The following ZMIZ1 variants were observed in gnomAD, a reference collection of about 807,000 sequenced individuals.
The protein encoded by ZMIZ1 is zinc finger MIZ domain-containing protein 1.
A neutral mutation model predicts 113.9 loss-of-function variants in ZMIZ1; 17 were observed. That is an observed-to-expected ratio of 0.15 (90% CI 0.10 to 0.22). The LOEUF (loss-of-function observed/expected upper bound fraction) is 0.22. ZMIZ1 is among the 10% of genes least tolerant of loss of function. ZMIZ1 has a pLI of 1.00. For missense variants in ZMIZ1, 1,059 were observed against 1,477.8 expected (o/e 0.72, Z 4.65); for synonymous variants, 607 against 603.1 (o/e 1.01, Z -0.09).
chr10:79,233,955 G>A (rs1849493347), intron 7 of ZMIZ1, among the ~76,000 whole-genome samples: 1 of 152,102 alleles, frequency 6.6e-6, no homozygotes, highest in African/African-American at 2.4e-5. Flanking sequence ...GTCTTTAAGG[G>A]TCTTGCCGGG....
chr10:79,146,061 C>A (rs995797717), intron 3 of ZMIZ1, among the ~76,000 whole-genome samples: 2 of 152,236 alleles, frequency 1.3e-5, no homozygotes, highest in East Asian at 1.9e-4. Flanking sequence ...TTTTTTGCGG[C>A]CTTCCTGAGA....
chr10:79,145,777 G>A (rs1845454507), intron 3 of ZMIZ1, among the ~76,000 whole-genome samples: 1 of 152,136 alleles, frequency 6.6e-6, no homozygotes, highest in Admixed American at 6.5e-5. Flanking sequence ...GAGTGCAGTG[G>A]CTCACTGCAG....
chr10:79,188,592 G>T (rs943431244), intron 4 of ZMIZ1, among the ~76,000 whole-genome samples: 1 of 152,118 alleles, frequency 6.6e-6, no homozygotes, highest in Admixed American at 6.5e-5. Flanking sequence ...CCAGAGCCCA[G>T]CTTGGAGCTA....
intron 4 of ZMIZ1, among the ~76,000 whole-genome samples, chr10:79,194,643 G>A (rs2132625297): frequency 6.6e-6 from 1 of 152,248 alleles, no homozygotes; most frequent in Non-Finnish European, 1.5e-5. Flanking sequence ...CTGTCAGAGG[G>A]GCTCCAGCCC....
At chr10:79,290,288 C>T (rs944193022) in intron 9 of ZMIZ1, among the ~76,000 whole-genome samples, 2 of 152,212 alleles carry the variant, frequency 1.3e-5, no homozygotes, top group Non-Finnish European at 2.9e-5. Flanking sequence ...GGACTTCTGA[C>T]AACTCCCTAC....
intron 5 of ZMIZ1, among the ~76,000 whole-genome samples, chr10:79,207,571 T>C (rs1462074205): frequency 1.3e-5 from 2 of 152,032 alleles, no homozygotes; most frequent in Non-Finnish European, 2.9e-5. Flanking sequence ...CCCAGCACCC[T>C]GGCACCAGAA....
chr10:79,142,968 G>C (rs1373110675), intron 3 of ZMIZ1, among the ~76,000 whole-genome samples: 1 of 152,220 alleles, frequency 6.6e-6, no homozygotes, highest in Non-Finnish European at 1.5e-5. Flanking sequence ...GTGAGTGTCA[G>C]AGCACCTGCT....
intron 7 of ZMIZ1, among the ~76,000 whole-genome samples, chr10:79,230,096 T>C (rs1321794063): frequency 6.6e-6 from 1 of 152,158 alleles, no homozygotes; most frequent in Non-Finnish European, 1.5e-5. Context: ...TAGGTTGCCC[T>C]GGGAGGCTCC....
intron 7 of ZMIZ1, among the ~76,000 whole-genome samples, chr10:79,223,412 C>T (rs1034543555): frequency 3.3e-5 from 5 of 152,236 alleles, no homozygotes; most frequent in African/African-American, 1.2e-4. Context: ...GCCCCCACCC[C>T]CACATACAAG....
At chr10:79,238,070 C>T (rs535631775) in intron 7 of ZMIZ1, among the ~76,000 whole-genome samples, 1 of 152,342 alleles carries the variant, frequency 6.6e-6, no homozygotes, top group South Asian at 2.1e-4. Context: ...CTTGCCCCCT[C>T]CCCGCTCGGT....
Position 79,304,180 on chromosome 10 carries a change from G to A in ZMIZ1, c.2286+5G>A, listed in dbSNP as rs1192552411. ...CACGATTGCAAGCATGTGCAGGTGA[G>A]CGGCCCCAGAAAGCACAGCTCTGGC... On this transcript the variant is annotated splice_donor_5th_base_variant and intron_variant, in intron 19 of 24. Transcript: ENST00000334512. 1.2e-6 allele frequency: 2 copies of A among 1,611,474 alleles called. No homozygotes were observed. The highest frequency in any genetic ancestry group is 1.7e-5 in the Admixed American group (1 of 59,968).
At chr10:79,160,012 T>G (rs1846046245) in intron 3 of ZMIZ1, among the ~76,000 whole-genome samples, 1 of 152,222 alleles carries the variant, frequency 6.6e-6, no homozygotes, top group Admixed American at 6.5e-5. Flanking sequence ...CTGGCTTCCG[T>G]CTCAGCTGCC....
intron 7 of ZMIZ1, among the ~76,000 whole-genome samples, chr10:79,248,366 A>T (rs1365452962): frequency 6.6e-6 from 1 of 152,126 alleles, no homozygotes; most frequent in African/African-American, 2.4e-5. Flanking sequence ...GTCCCTCCAG[A>T]TGGCAGGGGG....
rs1201865498 is a variant in ZMIZ1, at chr10:79,311,195, G to C, written c.3096+11G>C. The C allele has an allele frequency of 1.2e-6, 2 of 1,603,122 alleles. No homozygotes were observed. The highest frequency in any genetic ancestry group is 2.2e-5 in the South Asian group (2 of 90,220). ...GAGCCTTCGCTGGATGTAAGTTGGG[G>C]TCGCCACTCGCCTTGGCCTGGGGCT... On this transcript the variant is annotated intron_variant, in intron 24 of 24. Transcript: ENST00000334512.
chr10:79,093,992 C>T lies in ZMIZ1; in HGVS notation c.-337+24722C>T, dbSNP rs547834505. Among the ~76,000 whole-genome samples, 3 of 152,262 alleles carry T rather than the reference C, an allele frequency of 2.0e-5. No individual in the cohort carries two copies. In the East Asian group the frequency reaches 5.8e-4, roughly 29 times the overall value. ...TTGGGAAAGAGCTGAGTGTAAAGGC[C>T]GCAGTGAGCACTGGGTGGATTTATA... On this transcript the variant is annotated intron_variant, in intron 1 of 24. Transcript: ENST00000334512.
At chr10:79,083,765 C>T (rs982062788) in intron 1 of ZMIZ1, among the ~76,000 whole-genome samples, 1 of 152,164 alleles carries the variant, frequency 6.6e-6, no homozygotes, top group Non-Finnish European at 1.5e-5. Context: ...GAGGCTGTGG[C>T]CAGGAGCCCA....
At chr10:79,179,928 C>G (rs994614511) in intron 4 of ZMIZ1, among the ~76,000 whole-genome samples, 4 of 152,220 alleles carry the variant, frequency 2.6e-5, no homozygotes, top group Non-Finnish European at 5.9e-5. Flanking sequence ...CACCCTCTCT[C>G]AGAGGCCAGT....
intron 7 of ZMIZ1, among the ~76,000 whole-genome samples, chr10:79,266,156 G>C (rs552883125): frequency 2.0e-5 from 3 of 152,228 alleles, no homozygotes; most frequent in Non-Finnish European, 4.4e-5. Context: ...CATGTGGCCA[G>C]AGACGGGAGG....
At chr10:79,310,852 A>G in intron 23 of ZMIZ1, 72 bp from the exon 24 acceptor site, 6 of 1,508,742 alleles carry the variant, frequency 4.0e-6, no homozygotes, top group Non-Finnish European at 5.4e-6. Context: ...GTTGGGTTTC[A>G]TTTTCTCCAG....
Sources: gnomAD v4.1 joint callset for allele counts (sites outside exome capture counted in the v4.1 genomes callset) on GRCh38, gnomAD v4.1.1 for gene constraint, MANE v1.5 for transcripts, NCBI Gene and HGNC (gene_info 2026-07-23, HGNC 2026-07-21) for gene names.